Variants in TMEM156 observed in about 807,000 individuals in gnomAD.
TMEM156 encodes the protein transmembrane protein 156.
In TMEM156, 28 loss-of-function variants were observed where a neutral mutation model predicts 30.5. That is an observed-to-expected ratio of 0.92 (90% CI 0.68 to 1.26). The LOEUF (loss-of-function observed/expected upper bound fraction) is 1.26. TMEM156 is among the 50% of genes most tolerant of loss of function. TMEM156 has a pLI of 0.00. For synonymous variants in TMEM156, 137 were observed against 119.9 expected (o/e 1.14, Z -0.93); for missense variants, 351 against 340.6 (o/e 1.03, Z -0.24).
intron 5 of TMEM156, 58 bp from the exon 6 acceptor site, chr4:38,971,195 G>C (rs995606965): frequency 2.0e-6 from 3 of 1,509,346 alleles, no homozygotes; most frequent in African/African-American, 2.8e-5. Context: ...AAAGAGACAG[G>C]CTTATTCTAA....
intron 5 of TMEM156, 71 bp from the exon 6 acceptor site, chr4:38,971,208 T>C (rs1722582307): frequency 7.1e-7 from 1 of 1,407,540 alleles, no homozygotes. Flanking sequence ...TATTCTAATG[T>C]AGTAAGAGTA....
chr4:39,030,190 A>AC (rs1553883737), intron 1 of TMEM156, among the ~76,000 whole-genome samples: 9 of 151,372 alleles, frequency 5.9e-5, no homozygotes, highest in African/African-American at 9.7e-5. Flanking sequence ...AAAAAAAAAA[A>AC]AACAACCCAT....
chr4:39,011,378 C>G (rs551561131), intron 1 of TMEM156, among the ~76,000 whole-genome samples: 6 of 152,124 alleles, frequency 3.9e-5, no homozygotes, highest in African/African-American at 1.4e-4. Context: ...GTCATTTGAC[C>G]GAGTAATCTT....
At chr4:39,000,252 C>G (rs897819557) in intron 1 of TMEM156, among the ~76,000 whole-genome samples, 1 of 151,950 alleles carries the variant, frequency 6.6e-6, no homozygotes, top group African/African-American at 2.4e-5. Context: ...ATTAGCCAGG[C>G]GGGGTGGTGC....
chr4:39,005,305 C>A (rs1713655837), intron 1 of TMEM156, among the ~76,000 whole-genome samples: 1 of 152,144 alleles, frequency 6.6e-6, no homozygotes, highest in African/African-American at 2.4e-5. Context: ...TGGGAGATGA[C>A]TGGATCATGG....
At chr4:38,990,838 T>TTTTTGTTTTGTTTTG (rs1401659669) in intron 3 of TMEM156, among the ~76,000 whole-genome samples, 1 of 129,722 alleles carries the variant, frequency 7.7e-6, no homozygotes, top group Non-Finnish European at 1.7e-5. Context: ...TGGTTTTTTT[T>TTTTTGTTTTGTTTTG]TTTTTTTTTT....
At chr4:39,018,948 G>A (rs1023427537) in intron 1 of TMEM156, among the ~76,000 whole-genome samples, 39 of 149,772 alleles carry the variant, frequency 2.6e-4, no homozygotes, top group Admixed American at 1.3e-4. Flanking sequence ...TTGAATTTGG[G>A]AGGCAAATGT....
chr4:39,003,845 T>C (rs1713545487), intron 1 of TMEM156, among the ~76,000 whole-genome samples: 1 of 152,180 alleles, frequency 6.6e-6, no homozygotes. Context: ...TATATTGCTA[T>C]GATATGACCT....
intron 1 of TMEM156, among the ~76,000 whole-genome samples, chr4:39,002,473 C>T (rs200592970): frequency 0.33 from 32,849 of 98,124 alleles, 6,625 homozygotes; most frequent in East Asian, 0.47. Flanking sequence ...GAAGTCAGTG[C>T]GGCGATTCCT....
chr4:38,975,279 T>C (rs552272827), intron 5 of TMEM156, among the ~76,000 whole-genome samples: 1 of 152,284 alleles, frequency 6.6e-6, no homozygotes, highest in South Asian at 2.1e-4. Flanking sequence ...TTTTATTTTA[T>C]TGTCATTAAG....
chr4:38,973,745 T>G (rs903326601), intron 5 of TMEM156, among the ~76,000 whole-genome samples: 1 of 152,186 alleles, frequency 6.6e-6, no homozygotes, highest in African/African-American at 2.4e-5. Flanking sequence ...AAAATGGCAG[T>G]AGTGGACACC....
intron 1 of TMEM156, among the ~76,000 whole-genome samples, chr4:39,019,492 CT>C (rs1235412176): frequency 6.6e-6 from 1 of 152,112 alleles, no homozygotes; most frequent in Non-Finnish European, 1.5e-5. Context: ...AGCATTGGAT[CT>C]CCCCACATAT....
At chr4:39,011,853 A>C (rs1334401375) in intron 1 of TMEM156, among the ~76,000 whole-genome samples, 1 of 152,222 alleles carries the variant, frequency 6.6e-6, no homozygotes, top group Non-Finnish European at 1.5e-5. Context: ...GATTGAAATC[A>C]TGTCCTTTGC....
At chr4:38,973,909 A>C (rs1297381693) in intron 5 of TMEM156, among the ~76,000 whole-genome samples, 1 of 151,610 alleles carries the variant, frequency 6.6e-6, no homozygotes, top group African/African-American at 2.4e-5. Flanking sequence ...AGTTTTAATG[A>C]AAAATGCATT....
At position 39,024,432 on chromosome 4, in the gene TMEM156, A is replaced by T. The variant is rs116054518; in HGVS notation, c.88+7794T>A. On this transcript the variant is annotated intron_variant, in intron 1 of 6. Coordinates refer to ENST00000381938, the MANE Select transcript of TMEM156 (RefSeq NM_024943.3). The stretch of plus-strand genomic sequence containing the variant: ...CGAATGTCAAAATTCATGAAACTGA[A>T]CACTTAAGATCTTTCCATAAAGAAA... 1.0e-2 allele frequency among the ~76,000 whole-genome samples: 1,520 copies of T among 152,300 alleles called. 28 individuals are homozygous for T. The highest frequency in any genetic ancestry group is 0.035 in the African/African-American group (1,449 of 41,566).
At chr4:39,019,646 A>G (rs1418687126) in intron 1 of TMEM156, among the ~76,000 whole-genome samples, 3 of 152,144 alleles carry the variant, frequency 2.0e-5, no homozygotes, top group African/African-American at 4.8e-5. Context: ...ATATATTTTC[A>G]GGTGCCTTTC....
intron 3 of TMEM156, among the ~76,000 whole-genome samples, chr4:38,991,123 C>T (rs1712425258): frequency 1.3e-5 from 2 of 151,586 alleles, no homozygotes; most frequent in South Asian, 2.1e-4. Context: ...GCATGACCCA[C>T]CTCGCCCAGT....
At chr4:38,977,292 C>T (rs779431783) in intron 5 of TMEM156, among the ~76,000 whole-genome samples, 17 of 152,238 alleles carry the variant, frequency 1.1e-4, no homozygotes, top group South Asian at 1.0e-3. Flanking sequence ...GAGTTCTTTT[C>T]GTTGAAAAGC....
chr4:38,986,619 C>T (rs1712005698), intron 4 of TMEM156, among the ~76,000 whole-genome samples, 200 bp from the exon 5 acceptor site: 1 of 151,264 alleles, frequency 6.6e-6, no homozygotes, highest in East Asian at 1.9e-4. Flanking sequence ...CCAGCCTGGC[C>T]AATATGGTGA....
Sources: allele counts gnomAD v4.1 joint callset (sites outside exome capture counted in the v4.1 genomes callset), GRCh38; gene constraint gnomAD v4.1.1; transcripts MANE v1.5; gene names NCBI Gene and HGNC (gene_info 2026-07-23, HGNC 2026-07-21).